Variants in COL5A1 observed in about 807,000 individuals in gnomAD.
The protein encoded by COL5A1 is collagen type V alpha 1 chain, also known as collagen alpha-1(V) chain.
A neutral mutation model predicts 263.7 loss-of-function variants in COL5A1; 16 were observed. The observed-to-expected ratio is 0.06, with a 90% confidence interval of 0.04 to 0.09. COL5A1 has a LOEUF of 0.09. COL5A1 is among the 10% of genes least tolerant of loss of function. The probability of loss-of-function intolerance (pLI) is 1.00; values close to 1 mark genes in which losing one functional copy is unlikely to be tolerated. For missense variants in COL5A1, 2,036 were observed against 2,540.5 expected (o/e 0.80, Z 4.27); for synonymous variants, 1,012 against 1,004.5 (o/e 1.01, Z -0.14).
intron 32 of COL5A1, among the ~76,000 whole-genome samples, chr9:134,790,041 T>C (rs1008608364): frequency 6.6e-6 from 1 of 152,160 alleles, no homozygotes. Context: ...ACACCTGCCT[T>C]GTAGCCCCAG....
At chr9:134,689,299 T>C (rs1316270138) in intron 1 of COL5A1, among the ~76,000 whole-genome samples, 7 of 152,160 alleles carry the variant, frequency 4.6e-5, no homozygotes, top group Non-Finnish European at 1.0e-4. Context: ...AAGGTGGGAC[T>C]TTCCTCTTGA....
At chr9:134,738,347 C>G in intron 9 of COL5A1, 127 bp from the exon 10 acceptor site, 1 of 1,042,364 alleles carries the variant, frequency 9.6e-7, no homozygotes, top group Admixed American at 1.9e-5. Flanking sequence ...GCTCGTGACT[C>G]CCCAGGACAG....
intron 62 of COL5A1, 28 bp from the exon 63 acceptor site, chr9:134,825,764 T>G (rs7868111): frequency 5.4e-6 from 8 of 1,490,886 alleles, no homozygotes; most frequent in South Asian, 3.4e-5. Flanking sequence ...TGACTCTGCC[T>G]GCCTCCCTCC....
chr9:134,661,846 G>T (rs998129529), intron 1 of COL5A1, among the ~76,000 whole-genome samples: 2 of 152,062 alleles, frequency 1.3e-5, no homozygotes, highest in Non-Finnish European at 2.9e-5. Flanking sequence ...CTGTTCCTCC[G>T]ACCGCTTCTT....
chr9:134,829,372 C>T (rs1269965092), intron 63 of COL5A1, among the ~76,000 whole-genome samples: 1 of 149,842 alleles, frequency 6.7e-6, no homozygotes, highest in Admixed American at 6.7e-5. Flanking sequence ...CTCACGCGGC[C>T]TCCGGTCTCC....
chr9:134,740,123 T>A (rs1835249576), intron 11 of COL5A1, among the ~76,000 whole-genome samples: 1 of 152,154 alleles, frequency 6.6e-6, no homozygotes, highest in African/African-American at 2.4e-5. Flanking sequence ...GGGGCTTGGC[T>A]GGCCTCTGGA....
At chr9:134,653,209 C>T (rs1156749290) in intron 1 of COL5A1, 1 of 154,100 alleles carries the variant, frequency 6.5e-6, no homozygotes, top group Non-Finnish European at 1.4e-5. Context: ...AAAGCAAAGA[C>T]CCCACTATCC....
intron 2 of COL5A1, among the ~76,000 whole-genome samples, chr9:134,699,075 C>T (rs1246409043): frequency 6.6e-6 from 1 of 152,212 alleles, no homozygotes; most frequent in East Asian, 1.9e-4. Flanking sequence ...AGGCTCTTGG[C>T]AGAACTGCAG....
intron 65 of COL5A1, among the ~76,000 whole-genome samples, chr9:134,838,581 A>G (rs571074783): frequency 3.0e-4 from 45 of 151,676 alleles, no homozygotes; most frequent in Non-Finnish European, 4.6e-4. Context: ...ACCCTGGCTC[A>G]CTCTCTCGCC....
intron 4 of COL5A1, among the ~76,000 whole-genome samples, chr9:134,717,280 C>A (rs1834298712): frequency 6.6e-6 from 1 of 152,172 alleles, no homozygotes. Context: ...AAGCCCCGTG[C>A]AAGAGACTGC....
chr9:134,811,448 G>T (rs1188497896), intron 45 of COL5A1, 44 bp from the exon 46 acceptor site: 1 of 1,613,456 alleles, frequency 6.2e-7, no homozygotes, highest in Admixed American at 1.7e-5. Context: ...CAGAGCTGCT[G>T]GCATTGCCAG....
chr9:134,790,413 G>A (rs1260130340), intron 32 of COL5A1, among the ~76,000 whole-genome samples: 1 of 17,448 alleles, frequency 5.7e-5, no homozygotes, highest in South Asian at 1.9e-3. Flanking sequence ...CAGCCACCCA[G>A]CCATCCAGCC....
At chr9:134,717,876 G>A (rs906956472) in intron 4 of COL5A1, among the ~76,000 whole-genome samples, 2 of 152,176 alleles carry the variant, frequency 1.3e-5, no homozygotes, top group Non-Finnish European at 2.9e-5. Flanking sequence ...CTGGGTGCCA[G>A]GCAGTCATGG....
intron 4 of COL5A1, among the ~76,000 whole-genome samples, chr9:134,723,643 G>A (rs2132625307): frequency 6.6e-6 from 1 of 152,326 alleles, no homozygotes; most frequent in East Asian, 1.9e-4. Flanking sequence ...ACGGGTGCTG[G>A]CGTGCACCCA....
At position 134,652,712 on chromosome 9, in the gene COL5A1, T is replaced by C. The variant is rs761990605; in HGVS notation, c.109+10416T>C. Reference sequence around the variant, plus strand: ...GGTGAGATTCCGTGGCCTCACCCCATGGTCTTCTCATGGCTCATTGTCAGA... The same window carrying C: ...GGTGAGATTCCGTGGCCTCACCCCACGGTCTTCTCATGGCTCATTGTCAGA... On this transcript the variant is annotated intron_variant, in intron 1 of 65. Transcript: ENST00000371817. The surrounding 1 kb of genome is among the most constrained non-coding windows in gnomAD (Gnocchi z 4.4). 6 of 470,836 alleles carry C rather than the reference T, an allele frequency of 1.3e-5. No homozygotes were observed. The highest frequency in any genetic ancestry group is 2.6e-5 in the Non-Finnish European group (6 of 226,968). The allele number at this position is 470,836 out of a possible 1,614,324, so 29.2% of individuals were successfully genotyped here. A position where few individuals can be genotyped will look rare whatever the true frequency, so the allele number is the denominator to read the frequency against.
In COL5A1 at chr9:134,767,787, G is replaced by C. The variant is rs573171962; in HGVS notation, c.2232+433G>C. 5.1e-4 allele frequency among the ~76,000 whole-genome samples: 78 copies of C among 152,330 alleles called. 2 individuals are homozygous for C. The highest frequency in any genetic ancestry group is 1.8e-3 in the African/African-American group (74 of 41,570). On this transcript the variant is annotated intron_variant, in intron 24 of 65. Transcript: ENST00000371817. Reference sequence around the variant, plus strand: ...AGGCCCTGGAACGAGAGCTGGAAGTGCTTGCCCTTCTAGAGCTTGTCGCTT... The same window carrying C: ...AGGCCCTGGAACGAGAGCTGGAAGTCCTTGCCCTTCTAGAGCTTGTCGCTT...
rs190268591 is a variant in COL5A1, at chr9:134,674,159, G to A, written c.110-16753G>A. 2.4e-4 allele frequency among the ~76,000 whole-genome samples: 37 copies of A among 152,292 alleles called. 1 individual carries two copies. In the East Asian group the frequency reaches 6.2e-3, roughly 25 times the overall value. Reference sequence around the variant, plus strand: ...TTACCACAGGACAAAGTAATTCCATGTATAGGCATTCATCCAAGAGAAATG... The same window carrying A: ...TTACCACAGGACAAAGTAATTCCATATATAGGCATTCATCCAAGAGAAATG... On this transcript the variant is annotated intron_variant, in intron 1 of 65. Coordinates refer to ENST00000371817, the MANE Select transcript of COL5A1 (RefSeq NM_000093.5).
chr9:134,777,873 T>C (rs1837109578), intron 27 of COL5A1, among the ~76,000 whole-genome samples: 1 of 152,210 alleles, frequency 6.6e-6, no homozygotes, highest in Admixed American at 6.5e-5. Context: ...GGACATCACC[T>C]TGCATTCAGG....
At chr9:134,776,778 C>G (rs914400883) in intron 27 of COL5A1, among the ~76,000 whole-genome samples, 14 of 152,218 alleles carry the variant, frequency 9.2e-5, no homozygotes, top group African/African-American at 3.1e-4. Context: ...GGAATTATTT[C>G]TCACAGTCCT....
Sources: gnomAD v4.1 joint callset for allele counts (sites outside exome capture counted in the v4.1 genomes callset) on GRCh38, gnomAD v4.1.1 for gene constraint, Gnocchi (gnomAD v3.1) non-coding constraint, MANE v1.5 for transcripts, NCBI Gene and HGNC (gene_info 2026-07-23, HGNC 2026-07-21) for gene names.